EVC2: variants seen among roughly 807,000 people sequenced by gnomAD.
EVC2 encodes EvC ciliary complex subunit 2, also known as limbin.
In EVC2, 148 loss-of-function variants were observed where a neutral mutation model predicts 149.3. The ratio of observed to expected loss-of-function variants is 0.99; its 90% CI spans 0.87 to 1.14. The LOEUF (loss-of-function observed/expected upper bound fraction) is 1.14, where lower values mean the gene tolerates loss of function less well. Ranked by LOEUF, EVC2 falls within the 50% of genes most tolerant of loss-of-function variation. The pLI is 0.00. For missense variants in EVC2, 1,854 were observed against 1,627.3 expected, an observed-to-expected ratio of 1.14 and a Z score of -2.40; for synonymous variants, 776 against 649.9, an observed-to-expected ratio of 1.19 and a Z score of -2.95.
rs71171411 is a variant in EVC2 at position 5,686,127 on chromosome 4, C to CATATAT, written c.707-649_707-648insATATAT. 1.3e-5 allele frequency among the ~76,000 whole-genome samples: 2 copies of CATATAT among 149,548 alleles called. No homozygotes were observed. Among genetic ancestry groups the CATATAT allele is most frequent in the African/African-American group, 5.0e-5 (2 of 40,106 alleles). On this transcript the variant is annotated intron_variant, in intron 5 of 21. Transcript: ENST00000344408. The surrounding 1 kb of genome is among the most constrained non-coding windows in gnomAD (Gnocchi z 5.4). ...ACACACACACACACACACACACACA[C>CATATAT]AGAGTAAAGAAAAGAGGAGGAACGC... is the stretch of plus-strand genomic sequence containing the variant.
At chr4:5,664,890 A>T (rs1719151646) in intron 8 of EVC2, among the ~76,000 whole-genome samples, 1 of 151,316 alleles carries the variant, frequency 6.6e-6, no homozygotes, top group African/African-American at 2.4e-5. Flanking sequence ...CGTGTGGGTG[A>T]TGGGGTACGT....
At chr4:5,704,158 T>C (rs1160926821) in intron 1 of EVC2, among the ~76,000 whole-genome samples, 1 of 152,068 alleles carries the variant, frequency 6.6e-6, no homozygotes, top group Non-Finnish European at 1.5e-5. Flanking sequence ...AACAGAGAAG[T>C]ACTCAAGGGG....
At chr4:5,692,902 A>G (rs1470834839) in intron 3 of EVC2, among the ~76,000 whole-genome samples, 1 of 150,952 alleles carries the variant, frequency 6.6e-6, no homozygotes. Context: ...AAAAAAGAAA[A>G]TTAACAAAAA....
intron 9 of EVC2, among the ~76,000 whole-genome samples, chr4:5,662,577 T>C (rs1001128606): frequency 7.0e-6 from 1 of 143,756 alleles, no homozygotes; most frequent in African/African-American, 2.5e-5. Flanking sequence ...AATATATATT[T>C]ATATTAATCA....
the EVC2 span, among the ~76,000 whole-genome samples, chr4:5,529,021 G>GAT: frequency 0.048 from 7,328 of 152,098 alleles, 591 homozygotes; most frequent in African/African-American, 0.17. This position sits in a 1 kb window ranked among gnomAD's most constrained non-coding sequence, Gnocchi z 4.5. Context: ...GTCGTACAAG[G>GAT]ATATATATAT....
chr4:5,641,501 G>T lies in EVC2; in HGVS notation c.1146-663C>A, dbSNP rs540408484. Among the ~76,000 whole-genome samples, 6 of 152,278 alleles carry T rather than the reference G, an allele frequency of 3.9e-5. No homozygotes were observed. In the East Asian group the frequency reaches 9.7e-4, roughly 25 times the overall value. On this transcript the variant is annotated intron_variant, in intron 9 of 21. Coordinates refer to ENST00000344408, the MANE Select transcript of EVC2 (RefSeq NM_147127.5). ...AAATAAAGTCTACTTGAAAATGCGA[G>T]GTAGTTCGCAGAGTCACGGTGTTCT...
chr4:5,659,282 T>C (rs1042125750), intron 9 of EVC2, among the ~76,000 whole-genome samples: 1 of 151,994 alleles, frequency 6.6e-6, no homozygotes, highest in African/African-American at 2.4e-5. Flanking sequence ...GTGGGAAGTG[T>C]ATCACAGATT....
chr4:5,562,834 G>C lies in EVC2; in HGVS notation c.*14C>G. On this transcript the variant is annotated 3_prime_UTR_variant, in exon 22 of 22. Transcript: ENST00000344408. This position sits in a 1 kb window ranked among gnomAD's most constrained non-coding sequence, Gnocchi z 4.3. ...CTTCTCTCTTCAGATGCTCCCGCAG[G>C]TCTTTCCCTTGGGCTAGTCCATGCC... 6.2e-7 allele frequency: 1 copy of C among 1,613,492 alleles called. No homozygotes were observed. Among genetic ancestry groups the C allele is most frequent in the Non-Finnish European group, 8.5e-7 (1 of 1,180,038 alleles).
In EVC2 at chr4:5,636,061, T is replaced by C. The variant is rs920893986; in HGVS notation, c.1471-4029A>G. On this transcript the variant is annotated intron_variant, in intron 10 of 21. Coordinates refer to ENST00000344408, the MANE Select transcript of EVC2 (RefSeq NM_147127.5). The surrounding 1 kb of genome is among the most constrained non-coding windows in gnomAD (Gnocchi z 4.6). ...GCGCCGAGCAATGGCTGAAGTACTA[T>C]ACGAGAATTAACTTACTTATACTCA... Among the ~76,000 whole-genome samples, 3 of 152,216 alleles carry C rather than the reference T, an allele frequency of 2.0e-5. No homozygotes were observed. Among genetic ancestry groups the C allele is most frequent in the Admixed American group, 1.3e-4 (2 of 15,286 alleles).
intron 15 of EVC2, among the ~76,000 whole-genome samples, chr4:5,617,360 T>C (rs1287813503): frequency 4.6e-5 from 7 of 152,226 alleles, no homozygotes; most frequent in Admixed American, 4.6e-4. Context: ...GGTGAGATCA[T>C]GTAAGCTTCA....
rs551057557 is a variant in EVC2 at position 5,651,081 on chromosome 4, G to A, written c.1146-10243C>T. On this transcript the variant is annotated intron_variant, in intron 9 of 21. Coordinates refer to ENST00000344408, the MANE Select transcript of EVC2 (RefSeq NM_147127.5). ...ATGGACAGATGGACAGATGGGTGAAGGGCTAGATGGAAGAATGGATGAATG... is the reference window on the plus strand; with the variant it reads ...ATGGACAGATGGACAGATGGGTGAAAGGCTAGATGGAAGAATGGATGAATG... Among the ~76,000 whole-genome samples, 419 of 152,132 alleles carry A rather than the reference G, an allele frequency of 2.8e-3. 1 individual carries two copies. Among genetic ancestry groups the A allele is most frequent in the Non-Finnish European group, 4.4e-3 (302 of 67,990 alleles).
chr4:5,599,098 T>C (rs1350104527), intron 16 of EVC2, among the ~76,000 whole-genome samples: 1 of 151,920 alleles, frequency 6.6e-6, no homozygotes, highest in East Asian at 1.9e-4. Flanking sequence ...TGTGGAGAAA[T>C]AGGAACACTT....
At position 5,576,447 on chromosome 4, in the gene EVC2, T is replaced by C; in HGVS notation, c.3065A>G (p.Gln1022Arg). ...GTCCTCCAGCTTCCTCTCCAACTCC[T>C]GGAGCTCCTACACAAGGAAGGGGCA... ...QILESHSREL[Q>R]ELERKLEDQL... Residue 1022 changes from glutamine (Q) to arginine (R), a missense_variant, in exon 18 of 22, where the codon CAG becomes CGG. Coordinates refer to ENST00000344408, the MANE Select transcript of EVC2 (RefSeq NM_147127.5). The surrounding 1 kb of genome is among the most constrained non-coding windows in gnomAD (Gnocchi z 4.5). 1 of 1,595,878 alleles carries C rather than the reference T, an allele frequency of 6.3e-7. No individual in the cohort carries two copies. Among genetic ancestry groups the C allele is most frequent in the Non-Finnish European group, 8.5e-7 (1 of 1,171,394 alleles).
chr4:5,641,448 T>G (rs1050558584), intron 9 of EVC2, among the ~76,000 whole-genome samples: 1 of 152,190 alleles, frequency 6.6e-6, no homozygotes, highest in African/African-American at 2.4e-5. Context: ...ATCTTCTCAA[T>G]TTTTTTGTAA....
intron 19 of EVC2, among the ~76,000 whole-genome samples, chr4:5,570,707 C>A (rs1205098800): frequency 6.6e-6 from 1 of 152,122 alleles, no homozygotes; most frequent in African/African-American, 2.4e-5. Flanking sequence ...ATGTTTATAG[C>A]AGCACGATTC....
chr4:5,651,309 G>A (rs1360793796), intron 9 of EVC2, among the ~76,000 whole-genome samples: 3 of 152,058 alleles, frequency 2.0e-5, no homozygotes, highest in African/African-American at 7.2e-5. Context: ...ATGGGTGAAT[G>A]GGCAAATTGA....
rs1721779760 is a variant in EVC2, at chr4:5,553,537, C to G, written c.3420-10325G>C. The stretch of plus-strand genomic sequence containing the variant: ...ACAAATCTGTAGAGACAGAAAGTCT[C>G]TATGGCTGGGGTGGAGGTAGGCAGG... On this transcript the variant is annotated intron_variant and NMD_transcript_variant, in intron 21 of 22. Coordinates refer to the EVC2 transcript ENST00000475313. 2.0e-5 allele frequency among the ~76,000 whole-genome samples: 3 copies of G among 152,114 alleles called. No individual in the cohort carries two copies. The South Asian group carries it at 6.2e-4, about 32-fold the overall frequency.
At chr4:5,663,351 A>G in intron 8 of EVC2, 105 bp from the exon 9 acceptor site, 1 of 1,493,728 alleles carries the variant, frequency 6.7e-7, no homozygotes, top group Non-Finnish European at 9.2e-7. Flanking sequence ...TGAGCACCCA[A>G]TCAGCCCCAC....
In EVC2 at chr4:5,625,920, G is replaced by A. The variant is rs1352399880; in HGVS notation, c.1887-12C>T. On this transcript the variant is annotated splice_polypyrimidine_tract_variant and intron_variant, in intron 12 of 21. Transcript: ENST00000344408. This position sits in a 1 kb window ranked among gnomAD's most constrained non-coding sequence, Gnocchi z 4.0. The stretch of plus-strand genomic sequence containing the variant: ...CCAGGTACCCTGCTCTAGATGGAAA[G>A]GATGTAAAGTTAGGAATGTGGTCTC... The A allele has an allele frequency of 6.2e-7, 1 of 1,613,682 alleles. No homozygotes were observed.
Sources: gnomAD v4.1 joint callset for allele counts (sites outside exome capture counted in the v4.1 genomes callset) on GRCh38, gnomAD v4.1.1 for gene constraint, Gnocchi (gnomAD v3.1) non-coding constraint, MANE v1.5 for transcripts, NCBI Gene and HGNC (gene_info 2026-07-23, HGNC 2026-07-21) for gene names.